SCPEP1: variants seen among roughly 807,000 people sequenced by gnomAD.
SCPEP1 encodes serine carboxypeptidase 1.
A neutral mutation model predicts 63.8 loss-of-function variants in SCPEP1; 51 were observed. The ratio of observed to expected loss-of-function variants is 0.80; its 90% CI spans 0.64 to 1.01. The LOEUF is 1.01. Ranked by LOEUF, SCPEP1 falls within the 50% of genes least tolerant of loss-of-function variation. SCPEP1 has a pLI of 0.00. For missense variants in SCPEP1, 499 were observed against 554.9 expected (o/e 0.90, Z 1.01); for synonymous variants, 204 against 207.8 (o/e 0.98, Z 0.16).
intron 2 of SCPEP1, among the ~76,000 whole-genome samples, chr17:56,982,547 G>A (rs1471223550): frequency 1.3e-5 from 2 of 152,180 alleles, no homozygotes; most frequent in African/African-American, 4.8e-5. Context: ...CCGGTGGCTG[G>A]AGACAAAGGT....
chr17:56,979,034 A>G (rs938289443), intron 1 of SCPEP1, among the ~76,000 whole-genome samples: 4 of 152,220 alleles, frequency 2.6e-5, no homozygotes, highest in Non-Finnish European at 5.9e-5. Flanking sequence ...GCGCAGCCTT[A>G]TCTGTTATTG....
At chr17:57,001,332 T>C (rs8066415) in intron 11 of SCPEP1, among the ~76,000 whole-genome samples, 6,565 of 152,184 alleles carry the variant, frequency 0.043, 500 homozygotes, top group African/African-American at 0.15. Context: ...TTGTGCGACA[T>C]CACAGTCGAT....
At chr17:56,984,660 C>G (rs1405824016) in intron 2 of SCPEP1, 1 of 152,460 alleles carries the variant, frequency 6.6e-6, no homozygotes, top group East Asian at 1.9e-4. Context: ...AGTCTGGGTC[C>G]CTTATCAATC....
chr17:56,989,194 A>G lies in SCPEP1; in HGVS notation c.546+904A>G, dbSNP rs116099450. Among the ~76,000 whole-genome samples, 213 of 152,336 alleles carry G rather than the reference A, an allele frequency of 1.4e-3. 3 individuals carry two copies. Among genetic ancestry groups the G allele is most frequent in the African/African-American group, 4.9e-3 (203 of 41,578 alleles). ...GACAGAACAAGACTGTGTCTCAGGA[A>G]AAAAATGAAAACAAAAACCAAAACC... On this transcript the variant is annotated intron_variant, in intron 5 of 12. Coordinates refer to ENST00000262288, the MANE Select transcript of SCPEP1 (RefSeq NM_021626.3).
intron 2 of SCPEP1, chr17:56,982,987 G>A (rs565597376): frequency 2.6e-5 from 4 of 152,082 alleles, no homozygotes; most frequent in Admixed American, 2.0e-4. Context: ...TTCTCTCGGG[G>A]GAATCTTTGA....
At chr17:56,982,633 C>T (rs1168798536) in intron 2 of SCPEP1, 2 of 152,220 alleles carry the variant, frequency 1.3e-5, no homozygotes, top group African/African-American at 2.4e-5. Flanking sequence ...TTTTCAGTGC[C>T]TACCTGCCAC....
chr17:56,993,841 T>G (rs1185459110), intron 6 of SCPEP1, among the ~76,000 whole-genome samples: 1 of 152,172 alleles, frequency 6.6e-6, no homozygotes, highest in African/African-American at 2.4e-5. Flanking sequence ...AGGCCAAAAT[T>G]ATTTACTATC....
intron 9 of SCPEP1, chr17:56,998,137 CCT>C: frequency 2.7e-6 from 1 of 374,022 alleles, no homozygotes; most frequent in South Asian, 2.3e-5. Flanking sequence ...ATGGTGAAAC[CCT>C]GTCTCTACTA....
At chr17:56,995,096 T>C in intron 7 of SCPEP1, 78 bp downstream of exon 7, 2 of 1,317,432 alleles carry the variant, frequency 1.5e-6, no homozygotes, top group Non-Finnish European at 1.1e-6. Flanking sequence ...GGAAAAGAGA[T>C]GCTGGATGAG....
chr17:57,002,697 ACT>A (rs1410665510), intron 12 of SCPEP1, among the ~76,000 whole-genome samples: 1 of 151,332 alleles, frequency 6.6e-6, no homozygotes, highest in African/African-American at 2.4e-5. Context: ...ACAGAGTGAG[ACT>A]CTGTCTCAAA....
intron 3 of SCPEP1, chr17:56,987,190 T>A (rs1467694296): frequency 6.6e-6 from 1 of 152,424 alleles, no homozygotes; most frequent in Non-Finnish European, 1.5e-5. Flanking sequence ...GTAAATTTTA[T>A]AACTTTCAAC....
chr17:57,001,133 C>T, intron 11 of SCPEP1, 141 bp downstream of exon 11: 1 of 909,340 alleles, frequency 1.1e-6, no homozygotes, highest in Non-Finnish European at 1.7e-6. Flanking sequence ...TCCGTCTACC[C>T]CGACCTTGAT....
At chr17:56,979,372 C>T (rs2144459260) in intron 1 of SCPEP1, among the ~76,000 whole-genome samples, 1 of 152,198 alleles carries the variant, frequency 6.6e-6, no homozygotes, top group East Asian at 1.9e-4. Context: ...CTTTTACTGA[C>T]CAATGGGGCT....
Position 56,991,242 on chromosome 17 carries a change from T to C in SCPEP1, c.619+71T>C. On this transcript the variant is annotated intron_variant, in intron 6 of 12. Transcript: ENST00000262288. ...TCCTTTCCTGGGACTTTGGGCTGTG[T>C]TGTCCAGATCAAAGAGCTAAGCAGG... The C allele has an allele frequency of 5.2e-6, 6 of 1,164,962 alleles. No homozygotes were observed. The South Asian group carries it at 7.3e-5, about 14-fold the overall frequency. 72.2% of individuals were successfully genotyped at this position (1,164,962 alleles called of 1,614,324 possible). A position where few individuals can be genotyped will look rare whatever the true frequency, so the allele number is the denominator to read the frequency against.
At position 56,995,725 on chromosome 17, in the gene SCPEP1, A is replaced by G. The variant is rs138481496; in HGVS notation, c.786+90A>G. The G allele has an allele frequency of 6.5e-5, 88 of 1,360,888 alleles. No homozygotes were observed. The African/African-American group carries it at 1.0e-3, about 16-fold the overall frequency. 84.3% of individuals were successfully genotyped at this position (1,360,888 alleles called of 1,614,324 possible). A position where few individuals can be genotyped will look rare whatever the true frequency, so the allele number is the denominator to read the frequency against. ...GTTGGTGTTGTCAAACTTGGAGTCT[A>G]CACTGAGGCTCCCCACATATCTGCA... On this transcript the variant is annotated intron_variant, in intron 8 of 12. Transcript: ENST00000262288.
Position 56,998,403 on chromosome 17 carries a change from A to T in SCPEP1, c.899A>T (p.His300Leu), listed in dbSNP as rs1325297857. 15 of 1,613,268 alleles carry T rather than the reference A, an allele frequency of 9.3e-6. No homozygotes were observed. The highest frequency in any genetic ancestry group is 1.3e-5 in the Non-Finnish European group (15 of 1,179,676). The part of the protein sequence containing the change: ...QSHLVCLCQR[H>L]VRHLQRDALS... ...GTTTTAGTTTGTCTTTGTCAGCGCC[A>T]CGTGAGACACCTACAACGAGATGCC... is the stretch of plus-strand genomic sequence containing the variant. The change falls in exon 10 of 13, where the codon CAC (histidine) becomes CTC (leucine). Residue 300 changes from histidine to leucine, a missense_variant. Physicochemically the swap from His to Leu is moderately conservative, Grantham distance 99. Transcript: ENST00000262288.
rs776620852 is a variant in SCPEP1, at chr17:56,981,184, A to G, written c.179A>G (p.Asn60Ser). 2.5e-6 allele frequency: 4 copies of G among 1,614,050 alleles called. No individual in the cohort carries two copies. In the Admixed American group the frequency reaches 6.7e-5, roughly 27 times the overall value. The change falls in exon 2 of 13, where the codon AAC becomes AGC. Residue 60 changes from asparagine (N) to serine (S), a missense_variant. Coordinates refer to ENST00000262288, the MANE Select transcript of SCPEP1 (RefSeq NM_021626.3). ...TTCTGGTGGCTCTATTATGCCACCAACTCCTGCAAGAACTTCTCAGAACTG... is the reference window on the plus strand; with the variant it reads ...TTCTGGTGGCTCTATTATGCCACCAGCTCCTGCAAGAACTTCTCAGAACTG... ...YMFWWLYYATNSCKNFSELPL... is the reference protein window; with the variant it reads ...YMFWWLYYATSSCKNFSELPL...
chr17:57,004,868 T>C (rs567254031), intron 12 of SCPEP1, among the ~76,000 whole-genome samples: 3 of 152,296 alleles, frequency 2.0e-5, no homozygotes, highest in East Asian at 1.9e-4. Context: ...ATAAGCAATC[T>C]TTTTCTTGCA....
At chr17:56,982,471 C>T (rs796674453) in intron 2 of SCPEP1, among the ~76,000 whole-genome samples, 1 of 152,190 alleles carries the variant, frequency 6.6e-6, no homozygotes, top group African/African-American at 2.4e-5. Flanking sequence ...GGCTCAGCCC[C>T]AGGTGCGGTT....
Sources: gnomAD v4.1 joint callset for allele counts (sites outside exome capture counted in the v4.1 genomes callset) on GRCh38, gnomAD v4.1.1 for gene constraint, MANE v1.5 for transcripts, NCBI Gene and HGNC (gene_info 2026-07-23, HGNC 2026-07-21) for gene names.